FSTL4: variants seen among roughly 807,000 people sequenced by gnomAD.
FSTL4 encodes the protein follistatin like 4.
Under a neutral mutation model 78.2 loss-of-function variants are expected in FSTL4, and 28 were observed. That is an observed-to-expected ratio of 0.36 (90% confidence interval 0.27 to 0.49). The LOEUF is 0.49. Among genes scored for constraint, FSTL4 ranks in the 20% least tolerant of loss-of-function variants. The probability of loss-of-function intolerance (pLI) is 0.98; values close to 1 mark genes in which losing one functional copy is unlikely to be tolerated. For missense variants in FSTL4, 922 were observed against 1,084.9 expected (o/e 0.85, Z 2.11); for synonymous variants, 422 against 440.5 (o/e 0.96, Z 0.53).
At chr5:133,780,258 C>T in the FSTL4 span, among the ~76,000 whole-genome samples, 7 of 152,064 alleles carry the variant, frequency 4.6e-5, no homozygotes, top group Non-Finnish European at 7.4e-5. Flanking sequence ...GAGCAGGGGA[C>T]GCAGACACGT....
the FSTL4 span, among the ~76,000 whole-genome samples, chr5:133,682,837 G>A: frequency 6.2e-4 from 95 of 152,178 alleles, no homozygotes; most frequent in African/African-American, 1.5e-3. Context: ...TAGGATCCAT[G>A]TGTTGATGCT....
chr5:133,689,346 C>T, the FSTL4 span, among the ~76,000 whole-genome samples: 2 of 152,194 alleles, frequency 1.3e-5, no homozygotes, highest in Admixed American at 6.5e-5. Context: ...CACAACTGAA[C>T]CCCAAACTCG....
intron 4 of FSTL4, among the ~76,000 whole-genome samples, chr5:133,388,844 T>TG (rs1755769774): frequency 6.9e-6 from 1 of 144,364 alleles, no homozygotes; most frequent in Non-Finnish European, 1.6e-5. Flanking sequence ...TCTCCCACAG[T>TG]ATTTTTTAAA....
the FSTL4 span, among the ~76,000 whole-genome samples, chr5:133,679,616 G>C: frequency 6.6e-6 from 1 of 152,068 alleles, no homozygotes; most frequent in Non-Finnish European, 1.5e-5. Flanking sequence ...TTCATTCTAG[G>C]CCTCACCTGG....
chr5:133,391,205 C>A (rs750290715), intron 4 of FSTL4, among the ~76,000 whole-genome samples: 17 of 152,210 alleles, frequency 1.1e-4, no homozygotes, highest in Non-Finnish European at 1.6e-4. Flanking sequence ...AGATTCAATA[C>A]ATGGTGTCAT....
intron 3 of FSTL4, among the ~76,000 whole-genome samples, chr5:133,555,377 C>T (rs182759162): frequency 4.6e-5 from 7 of 152,272 alleles, no homozygotes; most frequent in South Asian, 2.1e-4. Flanking sequence ...CAGAACTGGA[C>T]GCTATAATCT....
At chr5:133,617,918 C>G in the FSTL4 span, among the ~76,000 whole-genome samples, 1 of 152,026 alleles carries the variant, frequency 6.6e-6, no homozygotes, top group Non-Finnish European at 1.5e-5. Flanking sequence ...AAGGAACTGG[C>G]TGATGTAGCT....
At chr5:133,423,179 G>A (rs1450858267) in intron 3 of FSTL4, among the ~76,000 whole-genome samples, 1 of 152,256 alleles carries the variant, frequency 6.6e-6, no homozygotes, top group African/African-American at 2.4e-5. Flanking sequence ...TGGACTGCAC[G>A]AATGAATGGG....
At chr5:133,740,422 A>G in the FSTL4 span, among the ~76,000 whole-genome samples, 1 of 151,966 alleles carries the variant, frequency 6.6e-6, no homozygotes, top group Non-Finnish European at 1.5e-5. Context: ...ACTCAAACCC[A>G]TACCCCCAGC....
At chr5:133,333,694 A>T (rs982199446) in intron 4 of FSTL4, among the ~76,000 whole-genome samples, 7 of 152,220 alleles carry the variant, frequency 4.6e-5, no homozygotes, top group Middle Eastern at 3.2e-3. Flanking sequence ...TTCCCAGAGC[A>T]AGGTACCCTT....
chr5:133,723,618 C>T, the FSTL4 span, among the ~76,000 whole-genome samples: 1 of 152,182 alleles, frequency 6.6e-6, no homozygotes, highest in African/African-American at 2.4e-5. Flanking sequence ...CACTATGGGG[C>T]TGCAAGTCCA....
At chr5:133,443,143 G>T (rs985981995) in intron 3 of FSTL4, among the ~76,000 whole-genome samples, 7 of 152,194 alleles carry the variant, frequency 4.6e-5, no homozygotes, top group Non-Finnish European at 1.0e-4. Context: ...TGTTCATAAG[G>T]TAAGTGTCAC....
the FSTL4 span, among the ~76,000 whole-genome samples, chr5:133,838,337 A>G: frequency 6.6e-6 from 1 of 152,358 alleles, no homozygotes; most frequent in African/African-American, 2.4e-5. Flanking sequence ...CCTAAAACTT[A>G]GTGGCTTAAA....
chr5:133,832,456 A>G, the FSTL4 span, among the ~76,000 whole-genome samples: 2 of 152,342 alleles, frequency 1.3e-5, no homozygotes, highest in East Asian at 1.9e-4. Flanking sequence ...CTGAGGGAGG[A>G]CCAGGTCTGT....
chr5:133,634,996 T>G, the FSTL4 span, among the ~76,000 whole-genome samples: 3 of 152,164 alleles, frequency 2.0e-5, no homozygotes, highest in Non-Finnish European at 4.4e-5. Context: ...CTCTTATTTA[T>G]TGCATCCTTG....
At chr5:133,644,121 G>GCTAGGA in the FSTL4 span, among the ~76,000 whole-genome samples, 1 of 152,134 alleles carries the variant, frequency 6.6e-6, no homozygotes, top group Admixed American at 6.5e-5. Flanking sequence ...AGGGCCACAG[G>GCTAGGA]GATGCACTGT....
At chr5:133,693,957 C>T in the FSTL4 span, among the ~76,000 whole-genome samples, 1 of 152,208 alleles carries the variant, frequency 6.6e-6, no homozygotes, top group Non-Finnish European at 1.5e-5. Flanking sequence ...CATAGACTCA[C>T]ATGCCCATCT....
intron 6 of FSTL4, among the ~76,000 whole-genome samples, chr5:133,311,707 G>C (rs994851380): frequency 3.9e-5 from 6 of 152,230 alleles, no homozygotes; most frequent in African/African-American, 1.4e-4. Context: ...CTGTGGCTCA[G>C]GGTACTCAGT....
intron 3 of FSTL4, among the ~76,000 whole-genome samples, chr5:133,529,047 C>T (rs823980): frequency 0.37 from 55,426 of 151,712 alleles, 10,267 homozygotes; most frequent in East Asian, 0.42. Flanking sequence ...GGATGCTGAT[C>T]CCCAGGGTAA....
Sources: allele counts gnomAD v4.1 joint callset (sites outside exome capture counted in the v4.1 genomes callset), GRCh38; gene constraint gnomAD v4.1.1; transcripts MANE v1.5; gene names NCBI Gene and HGNC (gene_info 2026-07-23, HGNC 2026-07-21).